The following SYNE1 variants were observed in gnomAD, a reference collection of about 807,000 sequenced individuals.
The protein encoded by SYNE1 is spectrin repeat containing nuclear envelope protein 1, also known as nesprin-1.
In SYNE1, 616 loss-of-function variants were observed where a neutral mutation model predicts 1,111.0. The ratio of observed to expected loss-of-function variants is 0.55; its 90% CI spans 0.52 to 0.59. The LOEUF is 0.59. Ranked by LOEUF, SYNE1 falls within the 20% of genes least tolerant of loss-of-function variation. The pLI is 0.00. For missense variants in SYNE1, 10,006 were observed against 10,417.0 expected (o/e 0.96, Z 1.72); for synonymous variants, 3,855 against 3,825.8 (o/e 1.01, Z -0.28).
Position 152,387,090 on chromosome 6 carries a change from A to G in SYNE1, c.8469T>C (p.Asp2823=). 6.2e-7 allele frequency: 1 copy of G among 1,613,688 alleles called. No homozygotes were observed. Among genetic ancestry groups the G allele is most frequent in the African/African-American group, 1.3e-5 (1 of 75,034 alleles). ...CACTAACCTTGGCAACAGTCATTAT[A>G]TCATTAAACTGTGTTTTCAGCTCCT... ...AQEELKTQFN[D]IMTVAKEKMR... The change falls in exon 54 of 146, where the codon GAT becomes GAC. Residue 2823 remains aspartate, a synonymous_variant. Transcript: ENST00000367255.
chr6:152,333,386 A>T (rs2153979876), intron 77 of SYNE1, among the ~76,000 whole-genome samples: 1 of 152,336 alleles, frequency 6.6e-6, no homozygotes, highest in East Asian at 1.9e-4. Context: ...AGAAGGATTC[A>T]TTTCATGAAT....
chr6:152,227,945 T>C (rs1407974817), intron 115 of SYNE1, among the ~76,000 whole-genome samples: 3 of 152,168 alleles, frequency 2.0e-5, no homozygotes, highest in Non-Finnish European at 4.4e-5. Flanking sequence ...AACCTACCAT[T>C]TTTAAAAACA....
chr6:152,295,285 G>T (rs1230168310), intron 93 of SYNE1, among the ~76,000 whole-genome samples: 1 of 152,186 alleles, frequency 6.6e-6, no homozygotes. Context: ...GAGGTCTCCA[G>T]ATGAGTCCCC....
chr6:152,628,346 C>T lies in SYNE1; in HGVS notation c.-15G>A. On this transcript the variant is annotated 5_prime_UTR_variant, in exon 3 of 146. Coordinates refer to ENST00000367255, the MANE Select transcript of SYNE1 (RefSeq NM_182961.4). ...GAGGTTGCCATGGTCCCTCCGGAAGCACGAAGCCAACACCAAGAGACTCTT... is the reference window on the plus strand; with the variant it reads ...GAGGTTGCCATGGTCCCTCCGGAAGTACGAAGCCAACACCAAGAGACTCTT... 1 of 1,614,066 alleles carries T rather than the reference C, an allele frequency of 6.2e-7. No homozygotes were observed. The highest frequency in any genetic ancestry group is 1.1e-5 in the South Asian group (1 of 91,088).
chr6:152,361,750 C>T (rs2096934628), intron 64 of SYNE1, among the ~76,000 whole-genome samples: 1 of 151,620 alleles, frequency 6.6e-6, no homozygotes, highest in Middle Eastern at 3.4e-3. Flanking sequence ...TAAGAACATG[C>T]CATTATTTAT....
chr6:152,336,898 C>G lies in SYNE1; in HGVS notation c.12471G>C (p.Lys4157Asn). The change falls in exon 76 of 146, where the codon AAG becomes AAC. Residue 4157 changes from lysine to asparagine, a missense_variant. By Grantham distance (94) the Lys-to-Asn change is moderately conservative. Around this residue, in one of 7 missense-constraint regions of SYNE1, gnomAD observed 4,955 missense variants for 5,017.2 expected, o/e 0.99. Transcript: ENST00000367255. ...QDADQQLQNM[K>N]RRHSELELNI... ...TCAGCTCCAGCTCAGAGTGCCTCCT[C>G]TTCATGTTCTGCAGTTGCTGATCAG... 1 of 1,614,180 alleles carries G rather than the reference C, an allele frequency of 6.2e-7. No individual in the cohort carries two copies. The highest frequency in any genetic ancestry group is 8.5e-7 in the Non-Finnish European group (1 of 1,180,036).
chr6:152,134,873 T>G (rs2056690377), intron 142 of SYNE1: 3 of 529,474 alleles, frequency 5.7e-6, no homozygotes, highest in Non-Finnish European at 6.6e-6. Context: ...TTTTTACAAC[T>G]GAGCAACAAC....
chr6:152,425,452 C>T lies in SYNE1; in HGVS notation c.5196G>A (p.Val1732=). The T allele has an allele frequency of 6.2e-7, 1 of 1,614,162 alleles. No homozygotes were observed. The highest frequency in any genetic ancestry group is 8.5e-7 in the Non-Finnish European group (1 of 1,180,008). The change falls in exon 39 of 146, where the codon GTG becomes GTA. Residue 1732 remains valine, a synonymous_variant. Transcript: ENST00000367255. ...GCTCCAAATGTAGTTTCATCATTTTCACATCATCTTTGGAGGCTACTGAGA... is the reference window on the plus strand; with the variant it reads ...GCTCCAAATGTAGTTTCATCATTTTTACATCATCTTTGGAGGCTACTGAGA... ...SLFSVASKDD[V]KMMKLHLEQL...
intron 39 of SYNE1, among the ~76,000 whole-genome samples, chr6:152,423,436 T>A (rs1329441184): frequency 6.6e-6 from 1 of 152,072 alleles, no homozygotes; most frequent in African/African-American, 2.4e-5. Flanking sequence ...ATCCCCCCAC[T>A]CCTCCCTCCC....
intron 3 of SYNE1, 55 bp downstream of exon 3, chr6:152,628,210 T>G: frequency 6.3e-7 from 1 of 1,576,188 alleles, no homozygotes; most frequent in East Asian, 2.2e-5. Flanking sequence ...TTTAACTGAT[T>G]GTGGGTTAAG....
intron 96 of SYNE1, among the ~76,000 whole-genome samples, chr6:152,282,262 AG>A (rs1318207185): frequency 1.3e-5 from 2 of 152,226 alleles, no homozygotes; most frequent in African/African-American, 4.8e-5. Context: ...AGGCAGTAAT[AG>A]AAATGATGGA....
chr6:152,168,364 G>A, intron 130 of SYNE1: 1 of 582,046 alleles, frequency 1.7e-6, no homozygotes, highest in Non-Finnish European at 3.1e-6. Context: ...GCAGTGACAA[G>A]TGGTCATGTT....
intron 100 of SYNE1, among the ~76,000 whole-genome samples, chr6:152,264,568 A>C (rs1308393430): frequency 6.6e-6 from 1 of 151,998 alleles, no homozygotes; most frequent in Non-Finnish European, 1.5e-5. Flanking sequence ...AATCTGAGGC[A>C]AGAGGATCAC....
chr6:152,241,123 C>T (rs2085532284), intron 107 of SYNE1, among the ~76,000 whole-genome samples: 1 of 152,096 alleles, frequency 6.6e-6, no homozygotes, highest in South Asian at 2.1e-4. Flanking sequence ...GGTTTATTTC[C>T]CTGTTATTTA....
At chr6:152,457,242 T>C (rs1466013994) in intron 22 of SYNE1, among the ~76,000 whole-genome samples, 4 of 152,202 alleles carry the variant, frequency 2.6e-5, no homozygotes, top group Non-Finnish European at 5.9e-5. Context: ...ATGTAATATC[T>C]GCAATAAGCT....
chr6:152,381,923 T>C (rs2097424915), intron 55 of SYNE1, among the ~76,000 whole-genome samples: 1 of 152,194 alleles, frequency 6.6e-6, no homozygotes, highest in African/African-American at 2.4e-5. Context: ...ATAAAATGAA[T>C]AATTCATTCA....
Position 152,136,966 on chromosome 6 carries a change from G to A in SYNE1, c.25459-148C>T, listed in dbSNP as rs531046635. On this transcript the variant is annotated intron_variant, in intron 140 of 145. Coordinates refer to ENST00000367255, the MANE Select transcript of SYNE1 (RefSeq NM_182961.4). ...TAAAAGACAGAGGGTGCGTACCACT[G>A]AGAACTGTATGGCAGTTGGAAGAAA... 5 of 791,448 alleles carry A rather than the reference G, an allele frequency of 6.3e-6. No homozygotes were observed. The East Asian group carries it at 1.3e-4, about 21-fold the overall frequency. 49.0% of individuals were successfully genotyped at this position (791,448 alleles called of 1,614,324 possible). A position where few individuals can be genotyped will look rare whatever the true frequency, so the allele number is the denominator to read the frequency against.
At chr6:152,367,676 G>A (rs2097104293) in intron 61 of SYNE1, 1 of 408,742 alleles carries the variant, frequency 2.4e-6, no homozygotes, top group African/African-American at 2.0e-5. Flanking sequence ...TTGTCTGGGA[G>A]ACTGGTCAAA....
chr6:152,547,882 A>G (rs563701789), intron 3 of SYNE1, among the ~76,000 whole-genome samples: 11 of 152,070 alleles, frequency 7.2e-5, no homozygotes, highest in Non-Finnish European at 1.6e-4. Flanking sequence ...ATTCAATTGT[A>G]TGTGTGTGTC....
Sources: allele counts gnomAD v4.1 joint callset (sites outside exome capture counted in the v4.1 genomes callset), GRCh38; gene constraint gnomAD v4.1.1; regional missense constraint gnomAD v4.1.1; transcripts MANE v1.5; gene names NCBI Gene and HGNC (gene_info 2026-07-23, HGNC 2026-07-21).